The following RBFOX1 variants were observed in gnomAD, a reference collection of about 807,000 sequenced individuals.
RBFOX1 encodes the protein RNA binding protein fox-1 homolog 1.
RBFOX1 carries 8 observed loss-of-function variants against 57.7 expected under a neutral mutation model. That is an observed-to-expected ratio of 0.14 (90% CI 0.08 to 0.25). RBFOX1 has a LOEUF of 0.25. RBFOX1 is among the 10% of genes least tolerant of loss of function. RBFOX1 has a pLI of 1.00. For synonymous variants in RBFOX1, 326 were observed against 222.4 expected, an observed-to-expected ratio of 1.47 and a Z score of -4.15; for missense variants, 611 against 548.5, an observed-to-expected ratio of 1.11 and a Z score of -1.14.
intron 4 of RBFOX1, among the ~76,000 whole-genome samples, chr16:5,935,181 C>T (rs1366138617): frequency 1.3e-5 from 2 of 152,304 alleles, no homozygotes; most frequent in South Asian, 2.1e-4. Context: ...TTCCCACTAC[C>T]CTGACCAATC....
chr16:6,209,549 A>G (rs1334878816), intron 1 of RBFOX1, among the ~76,000 whole-genome samples: 1 of 152,246 alleles, frequency 6.6e-6, no homozygotes, highest in African/African-American at 2.4e-5. Context: ...AAACATAATT[A>G]AGCAGTAAAA....
At chr16:6,244,267 G>C (rs1598747846) in intron 1 of RBFOX1, among the ~76,000 whole-genome samples, 1 of 151,382 alleles carries the variant, frequency 6.6e-6, no homozygotes, top group South Asian at 2.1e-4. Context: ...GCCATTTCCT[G>C]CAGAATGAAA....
At chr16:7,640,950 G>T (rs1447668035) in intron 11 of RBFOX1, among the ~76,000 whole-genome samples, 1 of 151,262 alleles carries the variant, frequency 6.6e-6, no homozygotes, top group East Asian at 1.9e-4. Flanking sequence ...CTCTGAGCAG[G>T]TAAGTTGCAG....
intron 3 of RBFOX1, among the ~76,000 whole-genome samples, chr16:6,775,126 C>G (rs2079087451): frequency 6.7e-6 from 1 of 150,240 alleles, no homozygotes; most frequent in African/African-American, 2.5e-5. Flanking sequence ...GAGATCCAGA[C>G]CATCCTGGCG....
intron 3 of RBFOX1, among the ~76,000 whole-genome samples, chr16:5,683,561 G>A (rs1414377671): frequency 6.6e-6 from 1 of 151,856 alleles, no homozygotes; most frequent in Non-Finnish European, 1.5e-5. Context: ...GGAGAGATGG[G>A]CCTAGCTTCC....
At chr16:6,467,848 A>T (rs888514464) in intron 2 of RBFOX1, among the ~76,000 whole-genome samples, 1 of 152,196 alleles carries the variant, frequency 6.6e-6, no homozygotes, top group East Asian at 1.9e-4. Context: ...TATTTTTGTA[A>T]TATTATGATG....
chr16:7,332,853 C>A (rs1464493489), intron 4 of RBFOX1: 2 of 1,455,692 alleles, frequency 1.4e-6, no homozygotes, highest in Non-Finnish European at 1.8e-6. Flanking sequence ...TTCTTTCTTT[C>A]CTCTCCCGGC....
chr16:7,294,283 C>T (rs1482315590), intron 4 of RBFOX1, among the ~76,000 whole-genome samples: 2 of 152,092 alleles, frequency 1.3e-5, no homozygotes, highest in Non-Finnish European at 2.9e-5. Context: ...GAAACAGACT[C>T]CCACCCTCTC....
intron 1 of RBFOX1, among the ~76,000 whole-genome samples, chr16:5,332,750 A>G (rs2064790003): frequency 6.6e-6 from 1 of 151,076 alleles, no homozygotes; most frequent in South Asian, 2.1e-4. Flanking sequence ...GTAACAAGAG[A>G]AATCAAAGAA....
intron 3 of RBFOX1, among the ~76,000 whole-genome samples, chr16:7,029,681 A>G (rs1304622052): frequency 1.3e-5 from 2 of 152,166 alleles, no homozygotes; most frequent in Non-Finnish European, 2.9e-5. Flanking sequence ...TTCAAAACAG[A>G]TGAAAGAAGC....
intron 1 of RBFOX1, among the ~76,000 whole-genome samples, chr16:5,356,808 C>T (rs1252369273): frequency 6.6e-6 from 1 of 152,146 alleles, no homozygotes; most frequent in East Asian, 1.9e-4. Context: ...GTCTAGTTGA[C>T]ATCGTTGTTG....
At chr16:6,905,449 A>C (rs1208361680) in intron 3 of RBFOX1, among the ~76,000 whole-genome samples, 1 of 151,798 alleles carries the variant, frequency 6.6e-6, no homozygotes, top group Non-Finnish European at 1.5e-5. Flanking sequence ...GCTACTTGGG[A>C]GTCTGAGGCA....
rs149747295 is a variant in RBFOX1 at position 6,583,519 on chromosome 16, T to A, written c.-63-71084T>A. ...ATAACTAGAACTTTATTAGCTTCCATTTTACATTTTATTCCTTTCTTCCAA... is the reference window on the plus strand; with the variant it reads ...ATAACTAGAACTTTATTAGCTTCCAATTTACATTTTATTCCTTTCTTCCAA... On this transcript the variant is annotated intron_variant, in intron 2 of 15. Transcript: ENST00000550418. Among the ~76,000 whole-genome samples, 1,158 of 152,372 alleles carry A rather than the reference T, an allele frequency of 7.6e-3. 47 individuals carry two copies. Among genetic ancestry groups the A allele is most frequent in the Admixed American group, 0.063 (965 of 15,308 alleles).
chr16:5,703,895 G>A (rs748784063), intron 3 of RBFOX1, among the ~76,000 whole-genome samples: 1 of 152,126 alleles, frequency 6.6e-6, no homozygotes, highest in African/African-American at 2.4e-5. Context: ...AAGGTGCTTA[G>A]CATATTCAAA....
chr16:6,224,853 C>T (rs555521512), intron 1 of RBFOX1, among the ~76,000 whole-genome samples: 13 of 152,010 alleles, frequency 8.6e-5, no homozygotes, highest in African/African-American at 2.7e-4. Flanking sequence ...AACCCCATCT[C>T]TATTTAATAC....
chr16:6,669,689 C>T (rs1225718618), intron 3 of RBFOX1, among the ~76,000 whole-genome samples: 1 of 152,056 alleles, frequency 6.6e-6, no homozygotes, highest in Non-Finnish European at 1.5e-5. Context: ...TTAAGATCTA[C>T]CCTCTTAGCA....
intron 1 of RBFOX1, among the ~76,000 whole-genome samples, chr16:6,248,943 A>C (rs1054465260): frequency 2.0e-5 from 3 of 152,158 alleles, no homozygotes; most frequent in African/African-American, 7.2e-5. Context: ...GGTGCTTTCT[A>C]TGTACGAGGT....
chr16:6,522,995 A>C (rs558730267), intron 2 of RBFOX1, among the ~76,000 whole-genome samples: 3 of 152,224 alleles, frequency 2.0e-5, no homozygotes, highest in African/African-American at 4.8e-5. Flanking sequence ...TCTTTTAGGC[A>C]TCAAAGAACC....
At chr16:7,250,610 A>G (rs1347893893) in intron 4 of RBFOX1, among the ~76,000 whole-genome samples, 6 of 152,244 alleles carry the variant, frequency 3.9e-5, no homozygotes, top group South Asian at 4.1e-4. Flanking sequence ...GATCATAACT[A>G]TGTACACAGC....
Sources: allele counts gnomAD v4.1 joint callset (sites outside exome capture counted in the v4.1 genomes callset), GRCh38; gene constraint gnomAD v4.1.1; transcripts MANE v1.5; gene names NCBI Gene and HGNC (gene_info 2026-07-23, HGNC 2026-07-21).